Variants in ADAM10 observed in about 807,000 individuals in gnomAD.
ADAM10 encodes disintegrin and metalloproteinase domain-containing protein 10.
ADAM10 carries 17 observed loss-of-function variants against 90.1 expected under a neutral mutation model. The observed-to-expected ratio is 0.19, with a 90% CI of 0.13 to 0.28. ADAM10 has a LOEUF of 0.28. Ranked by LOEUF, ADAM10 falls within the 10% of genes least tolerant of loss-of-function variation. The pLI is 1.00. For synonymous variants in ADAM10, 310 were observed against 298.6 expected (o/e 1.04, Z -0.40); for missense variants, 610 against 914.3 (o/e 0.67, Z 4.29).
At chr15:58,680,251 T>C (rs1468582119) in intron 3 of ADAM10, among the ~76,000 whole-genome samples, 1 of 152,058 alleles carries the variant, frequency 6.6e-6, no homozygotes, top group Admixed American at 6.5e-5. Flanking sequence ...GCCTCCCTAG[T>C]AGCTGGGACT....
intron 2 of ADAM10, among the ~76,000 whole-genome samples, chr15:58,701,980 C>T (rs1293632135): frequency 6.6e-6 from 1 of 152,046 alleles, no homozygotes; most frequent in Non-Finnish European, 1.5e-5. Flanking sequence ...GCGGCGCACA[C>T]CTCTAATCCC....
At chr15:58,655,696 G>GTGTGTGTA (rs1896796069) in intron 5 of ADAM10, among the ~76,000 whole-genome samples, 1 of 68,260 alleles carries the variant, frequency 1.5e-5, no homozygotes, top group Non-Finnish European at 2.4e-5. Context: ...ATTATATATA[G>GTGTGTGTA]TATATATATA....
At chr15:58,682,737 A>C (rs1897474016) in intron 2 of ADAM10, among the ~76,000 whole-genome samples, 1 of 152,158 alleles carries the variant, frequency 6.6e-6, no homozygotes, top group Non-Finnish European at 1.5e-5. Context: ...GAAAATACAG[A>C]AGAAAGCAGC....
intron 6 of ADAM10, among the ~76,000 whole-genome samples, chr15:58,644,810 G>A (rs971029413): frequency 6.6e-6 from 1 of 152,164 alleles, no homozygotes; most frequent in Non-Finnish European, 1.5e-5. Context: ...ATATAGTGGT[G>A]AACAAAATAC....
At chr15:58,663,632 A>G (rs1897017701) in intron 5 of ADAM10, among the ~76,000 whole-genome samples, 1 of 152,182 alleles carries the variant, frequency 6.6e-6, no homozygotes, top group Non-Finnish European at 1.5e-5. Context: ...TTGAATCTAC[A>G]AATCAATAAA....
At chr15:58,606,273 A>G (rs1361970666) in intron 14 of ADAM10, among the ~76,000 whole-genome samples, 1 of 152,162 alleles carries the variant, frequency 6.6e-6, no homozygotes, top group Non-Finnish European at 1.5e-5. Context: ...CCTATCCTTC[A>G]AACTCCCACC....
At chr15:58,650,954 T>C (rs781701761) in intron 5 of ADAM10, among the ~76,000 whole-genome samples, 1 of 152,070 alleles carries the variant, frequency 6.6e-6, no homozygotes, top group Non-Finnish European at 1.5e-5. Context: ...ATTTTTAATA[T>C]TCATATAGTG....
chr15:58,710,222 G>A (rs1023068591), intron 2 of ADAM10, among the ~76,000 whole-genome samples: 9 of 152,100 alleles, frequency 5.9e-5, no homozygotes, highest in Admixed American at 4.6e-4. Flanking sequence ...GAGGTTGCGT[G>A]AGCCAAGATC....
intron 11 of ADAM10, among the ~76,000 whole-genome samples, chr15:58,614,108 C>T (rs953544626): frequency 1.4e-4 from 22 of 152,000 alleles, no homozygotes; most frequent in African/African-American, 4.6e-4. Context: ...AGCTTGAAAC[C>T]CCGTCTCTAC....
rs1307128962 is a variant in ADAM10 at position 58,594,860 on chromosome 15, T to C, written c.*2687A>G. ...ACAAAGTAATTCACAAAGTATTACA[T>C]ATTTACTCATTTAACAAGTATTACT... On this transcript the variant is annotated 3_prime_UTR_variant, in exon 16 of 16. Coordinates refer to ENST00000260408, the MANE Select transcript of ADAM10 (RefSeq NM_001110.4). 2 of 152,198 alleles carry C rather than the reference T, an allele frequency of 1.3e-5. No homozygotes were observed. The highest frequency in any genetic ancestry group is 4.8e-5 in the African/African-American group (2 of 41,460). 9.4% of individuals were successfully genotyped at this position (152,198 alleles called of 1,614,324 possible).
Position 58,591,781 on chromosome 15 carries a change from C to A in ADAM10, c.*5766G>T, listed in dbSNP as rs925036563. The A allele has an allele frequency of 3.3e-5, 5 of 152,198 alleles. No homozygotes were observed. The highest frequency in any genetic ancestry group is 1.2e-4 in the African/African-American group (5 of 41,448). The allele number at this position is 152,198 out of a possible 1,614,324, so 9.4% of individuals were successfully genotyped here. A position where few individuals can be genotyped will look rare whatever the true frequency, so the allele number is the denominator to read the frequency against. ...ATTTTTTAAGTGTTTCAATTTGCATCTCTAAAAGGGGTCCTTTAAAAAATG... is the reference window on the plus strand; with the variant it reads ...ATTTTTTAAGTGTTTCAATTTGCATATCTAAAAGGGGTCCTTTAAAAAATG... On this transcript the variant is annotated 3_prime_UTR_variant, in exon 16 of 16. Coordinates refer to ENST00000260408, the MANE Select transcript of ADAM10 (RefSeq NM_001110.4).
chr15:58,634,694 A>G (rs1896201416), intron 8 of ADAM10, among the ~76,000 whole-genome samples: 1 of 152,212 alleles, frequency 6.6e-6, no homozygotes, highest in African/African-American at 2.4e-5. Context: ...TTTAGTTTAT[A>G]TTTATACTTA....
intron 14 of ADAM10, among the ~76,000 whole-genome samples, 174 bp from the exon 15 acceptor site, chr15:58,599,898 A>T (rs370995725): frequency 1.3e-5 from 2 of 152,092 alleles, no homozygotes; most frequent in Admixed American, 6.6e-5. Context: ...TTATTTAAAT[A>T]TAAAAAAAAG....
chr15:58,708,670 C>A (rs562351857), intron 2 of ADAM10, among the ~76,000 whole-genome samples: 2 of 152,190 alleles, frequency 1.3e-5, no homozygotes, highest in Admixed American at 6.5e-5. Flanking sequence ...ACCAACCTGG[C>A]AATTGATACT....
At chr15:58,689,423 T>C (rs776995659) in intron 2 of ADAM10, among the ~76,000 whole-genome samples, 5 of 152,052 alleles carry the variant, frequency 3.3e-5, no homozygotes, top group Admixed American at 6.6e-5. Context: ...GAGGCAGAGG[T>C]TGCAGTGAGC....
chr15:58,694,658 T>C (rs1307855414), intron 2 of ADAM10, among the ~76,000 whole-genome samples: 3 of 151,540 alleles, frequency 2.0e-5, no homozygotes, highest in African/African-American at 7.3e-5. Flanking sequence ...GCTTTATTTA[T>C]AATAGCCAAA....
chr15:58,668,906 A>G (rs1897136352), intron 4 of ADAM10, among the ~76,000 whole-genome samples: 1 of 152,150 alleles, frequency 6.6e-6, no homozygotes, highest in Admixed American at 6.5e-5. Context: ...TTTAGCCTTC[A>G]TTCCACCTAC....
intron 10 of ADAM10, among the ~76,000 whole-genome samples, chr15:58,627,335 T>C (rs1243319516): frequency 6.6e-6 from 1 of 152,168 alleles, no homozygotes. Context: ...TGTATCTTGA[T>C]AGGTAGTTTA....
At chr15:58,706,371 T>A (rs1898289323) in intron 2 of ADAM10, among the ~76,000 whole-genome samples, 1 of 152,098 alleles carries the variant, frequency 6.6e-6, no homozygotes, top group Admixed American at 6.5e-5. Flanking sequence ...TTACTAGGAG[T>A]AACTGTACTT....
Sources: allele counts gnomAD v4.1 joint callset (sites outside exome capture counted in the v4.1 genomes callset), GRCh38; gene constraint gnomAD v4.1.1; transcripts MANE v1.5; gene names NCBI Gene and HGNC (gene_info 2026-07-23, HGNC 2026-07-21).